The following C12orf42 variants were observed in gnomAD, a reference collection of about 807,000 sequenced individuals.
C12orf42 encodes chromosome 12 open reading frame 42, also known as uncharacterized protein C12orf42.
In C12orf42, 25 loss-of-function variants were observed where a neutral mutation model predicts 21.6. The ratio of observed to expected loss-of-function variants is 1.16; its 90% confidence interval spans 0.84 to 1.62. The LOEUF (loss-of-function observed/expected upper bound fraction) is 1.62. Among genes scored for constraint, C12orf42 ranks in the 40% most tolerant of loss-of-function variants. The pLI, the probability that C12orf42 is intolerant of heterozygous loss-of-function variation, is 0.00. For missense variants in C12orf42, 483 were observed against 459.3 expected (o/e 1.05, Z -0.47); for synonymous variants, 174 against 175.0 (o/e 0.99, Z 0.05).
the C12orf42 span, among the ~76,000 whole-genome samples, chr12:103,204,129 G>A: frequency 6.6e-6 from 1 of 152,064 alleles, no homozygotes; most frequent in African/African-American, 2.4e-5. Context: ...GATGCACAGG[G>A]GAAAAGGAAA....
chr12:103,320,788 G>T (rs1423933640), intron 4 of C12orf42, among the ~76,000 whole-genome samples: 1 of 152,032 alleles, frequency 6.6e-6, no homozygotes, highest in Non-Finnish European at 1.5e-5. Context: ...CTCATCTGCT[G>T]CTTATGCTCA....
At chr12:103,249,607 T>G (rs1325406170) in intron 10 of C12orf42, among the ~76,000 whole-genome samples, 3 of 152,076 alleles carry the variant, frequency 2.0e-5, no homozygotes, top group Admixed American at 6.6e-5. Flanking sequence ...CCCATATCTG[T>G]TTTCCCTGGT....
intron 5 of C12orf42, among the ~76,000 whole-genome samples, chr12:103,304,870 C>A (rs1380156714): frequency 2.0e-5 from 3 of 152,190 alleles, no homozygotes; most frequent in Non-Finnish European, 4.4e-5. Flanking sequence ...GCAGTACATT[C>A]TCTTCTAGTT....
chr12:103,270,361 G>GAAGA (rs1167351844), intron 5 of C12orf42: 15 of 129,866 alleles, frequency 1.2e-4, no homozygotes, highest in African/African-American at 3.9e-4. Context: ...GGGAAGGAAG[G>GAAGA]AAGAAAGGAA....
intron 2 of C12orf42, among the ~76,000 whole-genome samples, chr12:103,449,715 C>T (rs1272097379): frequency 2.0e-5 from 3 of 151,446 alleles, no homozygotes; most frequent in African/African-American, 7.3e-5. Flanking sequence ...ATTCTCCCTC[C>T]CCTAATTTAT....
intron 4 of C12orf42, among the ~76,000 whole-genome samples, chr12:103,323,399 T>A (rs2040372286): frequency 6.6e-6 from 1 of 152,230 alleles, no homozygotes; most frequent in Non-Finnish European, 1.5e-5. Context: ...TGAAAACCAG[T>A]CTTCATGGTG....
chr12:103,473,110 CTT>C (rs1374588166), intron 2 of C12orf42, among the ~76,000 whole-genome samples: 3 of 152,176 alleles, frequency 2.0e-5, no homozygotes, highest in African/African-American at 7.2e-5. Flanking sequence ...TATCTGCATG[CTT>C]TTGCCTTTTA....
chr12:103,469,228 T>G (rs955826892), intron 2 of C12orf42, among the ~76,000 whole-genome samples: 2 of 152,244 alleles, frequency 1.3e-5, no homozygotes, highest in African/African-American at 2.4e-5. Flanking sequence ...CAGGAAGGCA[T>G]GAACCTTCAA....
At chr12:103,378,391 T>A (rs2045890562) in intron 3 of C12orf42, among the ~76,000 whole-genome samples, 1 of 152,154 alleles carries the variant, frequency 6.6e-6, no homozygotes, top group Non-Finnish European at 1.5e-5. Flanking sequence ...CTCCCAATTC[T>A]TTTTACCAGG....
chr12:103,366,778 G>A (rs527243869), intron 4 of C12orf42, among the ~76,000 whole-genome samples: 1 of 152,030 alleles, frequency 6.6e-6, no homozygotes, highest in Non-Finnish European at 1.5e-5. Context: ...ACTCCCATAA[G>A]AATGGCCATA....
Position 103,378,342 on chromosome 12 carries a change from C to T in C12orf42, c.148-9344G>A, listed in dbSNP as rs565007849. Among the ~76,000 whole-genome samples, 46 of 152,240 alleles carry T rather than the reference C, an allele frequency of 3.0e-4. 1 individual carries two copies. In the South Asian group the frequency reaches 6.4e-3, roughly 21 times the overall value. ...TTTTGTCCTGTGGCTTTCCATCTCG[C>T]GGTCCTGGAGTATCCATCCAGCTTC... On this transcript the variant is annotated intron_variant, in intron 3 of 5. Transcript: ENST00000548883.
At chr12:103,390,322 T>A (rs2046966657) in intron 3 of C12orf42, among the ~76,000 whole-genome samples, 1 of 152,226 alleles carries the variant, frequency 6.6e-6, no homozygotes, top group Admixed American at 6.5e-5. Flanking sequence ...TACAATTTAC[T>A]GCATTAACTA....
At chr12:103,480,901 C>T (rs781010418) in intron 1 of C12orf42, among the ~76,000 whole-genome samples, 1 of 151,448 alleles carries the variant, frequency 6.6e-6, no homozygotes, top group Non-Finnish European at 1.5e-5. Flanking sequence ...TTAGATCAAG[C>T]CTATTAATTA....
the C12orf42 span, among the ~76,000 whole-genome samples, chr12:103,139,206 A>T: frequency 1.3e-5 from 2 of 152,070 alleles, no homozygotes; most frequent in Non-Finnish European, 2.9e-5. Context: ...TCTAGCCCTC[A>T]TTTTCTTTAT....
At chr12:103,453,276 A>C (rs901245144) in intron 2 of C12orf42, among the ~76,000 whole-genome samples, 2 of 151,878 alleles carry the variant, frequency 1.3e-5, no homozygotes, top group African/African-American at 4.8e-5. Flanking sequence ...AGTTATATTT[A>C]TATAAGAGGT....
intron 2 of C12orf42, among the ~76,000 whole-genome samples, chr12:103,433,645 C>A (rs7970043): frequency 0.62 from 94,242 of 152,000 alleles, 30,268 homozygotes; most frequent in Admixed American, 0.72. Context: ...GACCTATTTT[C>A]TCTAACAAAA....
chr12:103,125,561 T>C, the C12orf42 span, among the ~76,000 whole-genome samples: 1 of 152,102 alleles, frequency 6.6e-6, no homozygotes, highest in South Asian at 2.1e-4. Flanking sequence ...AGAAATGAGT[T>C]CATTGCTCAT....
At chr12:103,299,150 T>C (rs535187358), downstream of C12orf42, among the ~76,000 whole-genome samples, 56 of 152,260 alleles carry the variant, frequency 3.7e-4, no homozygotes, top group African/African-American at 1.3e-3. Flanking sequence ...AATACAGCTC[T>C]ATGTATAAAA....
At chr12:103,361,401 T>C (rs1022232149) in intron 4 of C12orf42, among the ~76,000 whole-genome samples, 8 of 151,984 alleles carry the variant, frequency 5.3e-5, no homozygotes, top group Admixed American at 2.6e-4. Flanking sequence ...TGGGAAGCAA[T>C]TTCTGACTTG....
Sources: gnomAD v4.1 joint callset for allele counts (sites outside exome capture counted in the v4.1 genomes callset) on GRCh38, gnomAD v4.1.1 for gene constraint, MANE v1.5 for transcripts, NCBI Gene and HGNC (gene_info 2026-07-23, HGNC 2026-07-21) for gene names.